DCDC2: variants seen among roughly 807,000 people sequenced by gnomAD.
DCDC2 encodes doublecortin domain-containing protein 2.
Under a neutral mutation model 50.2 loss-of-function variants are expected in DCDC2, and 40 were observed. The ratio of observed to expected loss-of-function variants is 0.80; its 90% CI spans 0.62 to 1.04. The LOEUF is 1.04. Ranked by LOEUF, DCDC2 falls within the 50% of genes least tolerant of loss-of-function variation. The pLI, the probability that DCDC2 is intolerant of heterozygous loss-of-function variation, is 0.00. For synonymous variants in DCDC2, 234 were observed against 210.6 expected, an observed-to-expected ratio of 1.11 and a Z score of -0.96; for missense variants, 570 against 581.9, an observed-to-expected ratio of 0.98 and a Z score of 0.21.
chr6:24,220,887 A>AGAGTGAGCGAGCGAGCGAGAGAGTGAGC (rs1561895558), intron 7 of DCDC2, among the ~76,000 whole-genome samples: 20 of 114,946 alleles, frequency 1.7e-4, no homozygotes, highest in Middle Eastern at 9.2e-3. Flanking sequence ...CGAGAGCGAG[A>AGAGTGAGCGAGCGAGCGAGAGAGTGAGC]GAGTGAGCGA....
At chr6:24,293,096 C>T (rs6907864) in intron 4 of DCDC2, among the ~76,000 whole-genome samples, 17,404 of 152,176 alleles carry the variant, frequency 0.11, 1,089 homozygotes, top group Middle Eastern at 0.17. Context: ...GTAAGTAAAA[C>T]GCAGTGAATA....
rs575398372 is a variant in DCDC2, at chr6:24,325,559, A to C, written c.349-23515T>G. ...TCCTCAAAGAAGAATCAAAGATTTC[A>C]GTCACATTAGCATCATCATGTTCTC... is the stretch of plus-strand genomic sequence containing the variant. On this transcript the variant is annotated intron_variant, in intron 2 of 9. Transcript: ENST00000378454. Among the ~76,000 whole-genome samples the C allele has an allele frequency of 2.0e-5, 3 of 149,734 alleles. 1 individual carries two copies. In the East Asian group the frequency reaches 6.7e-4, roughly 34 times the overall value.
At chr6:24,377,825 T>TA in the DCDC2 span, among the ~76,000 whole-genome samples, 3 of 152,110 alleles carry the variant, frequency 2.0e-5, no homozygotes, top group African/African-American at 7.2e-5. Context: ...CCGTTTCTCC[T>TA]AAAAATACAA....
At chr6:24,251,784 A>G (rs1291101203) in intron 7 of DCDC2, among the ~76,000 whole-genome samples, 2 of 152,214 alleles carry the variant, frequency 1.3e-5, no homozygotes, top group Non-Finnish European at 2.9e-5. Flanking sequence ...TTATCTTTCT[A>G]TGCACATTAT....
intron 1 of DCDC2, among the ~76,000 whole-genome samples, chr6:24,355,189 T>C (rs191006054): frequency 6.4e-4 from 98 of 152,284 alleles, no homozygotes; most frequent in Middle Eastern, 3.4e-3. Context: ...AATTCAGTTT[T>C]TTGTGTATGA....
At chr6:24,327,771 G>A (rs1759900740) in intron 2 of DCDC2, among the ~76,000 whole-genome samples, 1 of 152,026 alleles carries the variant, frequency 6.6e-6, no homozygotes, top group South Asian at 2.1e-4. Context: ...CACCGCGCCT[G>A]GCAACATTAT....
chr6:24,326,812 T>C (rs1405144435), intron 2 of DCDC2, among the ~76,000 whole-genome samples: 1 of 145,948 alleles, frequency 6.9e-6, no homozygotes, highest in Non-Finnish European at 1.5e-5. Context: ...TGAGCCTTGA[T>C]CATGCTACTG....
At chr6:24,263,268 A>G (rs1045688373) in intron 7 of DCDC2, among the ~76,000 whole-genome samples, 4 of 152,224 alleles carry the variant, frequency 2.6e-5, no homozygotes, top group Admixed American at 2.6e-4. Context: ...CTCAAGAAAG[A>G]TGGGTACAAA....
chr6:24,276,830 C>A (rs1268677371), intron 7 of DCDC2, among the ~76,000 whole-genome samples: 1 of 151,656 alleles, frequency 6.6e-6, no homozygotes, highest in Non-Finnish European at 1.5e-5. Context: ...TCATAAGAAC[C>A]CACATTTTTC....
Position 24,205,016 on chromosome 6 carries a change from C to G in DCDC2, c.1009G>C (p.Val337Leu), listed in dbSNP as rs187789776. The change falls in exon 8 of 10, where the codon GTT (valine) becomes CTT (leucine). Residue 337 changes from valine to leucine, a missense_variant. Physicochemically the swap from Val to Leu is conservative, Grantham distance 32. Transcript: ENST00000378454. ...ATGGAGATTACCTGATCGACTGGAA[C>G]CTCAACCTGAGTATCTTCATCTTCT... ...VQEDEDTQVE[V>L]PVDQRPAEIV... 2.6e-5 allele frequency: 42 copies of G among 1,613,794 alleles called. No individual in the cohort carries two copies. The Admixed American group carries it at 4.7e-4, about 18-fold the overall frequency.
chr6:24,202,066 G>A (rs180903283), intron 8 of DCDC2, among the ~76,000 whole-genome samples: 166 of 152,162 alleles, frequency 1.1e-3, no homozygotes, highest in Non-Finnish European at 2.0e-3. Context: ...ATAAAAAGGA[G>A]CTGGTACCAT....
chr6:24,300,820 T>A (rs1490161472), intron 4 of DCDC2, among the ~76,000 whole-genome samples: 1 of 152,200 alleles, frequency 6.6e-6, no homozygotes, highest in Non-Finnish European at 1.5e-5. Context: ...GGAAAATAAA[T>A]GTCAGCCTCC....
At position 24,208,975 on chromosome 6, in the gene DCDC2, A is replaced by G. The variant is rs1043957739; in HGVS notation, c.923-3873T>C. Among the ~76,000 whole-genome samples, 3 of 152,238 alleles carry G rather than the reference A, an allele frequency of 2.0e-5. No homozygotes were observed. The East Asian group carries it at 5.8e-4, about 29-fold the overall frequency. ...CATCCAGGGCCAAGATCCGTGGGCCAATGTGAGTGTTCAAAAGTAAATTAG... is the reference window on the plus strand; with the variant it reads ...CATCCAGGGCCAAGATCCGTGGGCCGATGTGAGTGTTCAAAAGTAAATTAG... On this transcript the variant is annotated intron_variant, in intron 7 of 9. Transcript: ENST00000378454.
At chr6:24,241,601 C>A (rs952988837) in intron 7 of DCDC2, among the ~76,000 whole-genome samples, 6 of 152,242 alleles carry the variant, frequency 3.9e-5, no homozygotes, top group African/African-American at 1.4e-4. Context: ...TTGAAAAAAA[C>A]CACTATTTTT....
At chr6:24,191,556 T>C (rs1643603237) in intron 8 of DCDC2, among the ~76,000 whole-genome samples, 2 of 152,168 alleles carry the variant, frequency 1.3e-5, no homozygotes, top group African/African-American at 2.4e-5. Flanking sequence ...GAAGAACACA[T>C]GGCCTGCTAA....
rs1490621486 is a variant in DCDC2 at position 24,178,409 on chromosome 6, A to G, written c.1247T>C (p.Leu416Pro). The G allele has an allele frequency of 3.1e-6, 5 of 1,614,032 alleles. No individual in the cohort carries two copies. The East Asian group carries it at 1.1e-4, about 36-fold the overall frequency. The change falls in exon 9 of 10, where the codon CTG (leucine) becomes CCG (proline). Residue 416 changes from leucine (L) to proline (P), a missense_variant. By Grantham distance (98) the Leu-to-Pro change is moderately conservative (BLOSUM62 -3). Coordinates refer to ENST00000378454, the MANE Select transcript of DCDC2 (RefSeq NM_016356.5). ...TTGAAGCTCATTATTAACCTGCTGC[A>G]GCTCCTCACCATTCTCCTCATCGGT... ...GGTDEENGEE[L>P]QQVNNELQLV...
chr6:24,308,800 C>T (rs900545821), intron 2 of DCDC2, among the ~76,000 whole-genome samples: 1 of 152,110 alleles, frequency 6.6e-6, no homozygotes, highest in African/African-American at 2.4e-5. Context: ...AGAATTCATT[C>T]CATGCGCTTT....
chr6:24,234,450 G>C (rs1172571328), intron 7 of DCDC2, among the ~76,000 whole-genome samples: 1 of 152,158 alleles, frequency 6.6e-6, no homozygotes, highest in East Asian at 1.9e-4. Flanking sequence ...TGTTTGGACA[G>C]ATAACGTTGG....
chr6:24,198,293 C>A (rs1761491309), intron 8 of DCDC2, among the ~76,000 whole-genome samples: 1 of 152,196 alleles, frequency 6.6e-6, no homozygotes, highest in Non-Finnish European at 1.5e-5. Flanking sequence ...GCATTCCCAA[C>A]TGAGGTACCC....
Sources: gnomAD v4.1 joint callset for allele counts (sites outside exome capture counted in the v4.1 genomes callset) on GRCh38, gnomAD v4.1.1 for gene constraint, MANE v1.5 for transcripts, NCBI Gene and HGNC (gene_info 2026-07-23, HGNC 2026-07-21) for gene names.